Variants in EPB41L5 observed in about 807,000 individuals in gnomAD.
The protein encoded by EPB41L5 is band 4.1-like protein 5.
Under a neutral mutation model 106.6 loss-of-function variants are expected in EPB41L5, and 55 were observed. The ratio of observed to expected loss-of-function variants is 0.52; its 90% CI spans 0.42 to 0.65. The LOEUF (loss-of-function observed/expected upper bound fraction) is 0.65. Among genes scored for constraint, EPB41L5 ranks in the 30% least tolerant of loss-of-function variants. The pLI is 0.00. For missense variants in EPB41L5, 871 were observed against 882.1 expected (o/e 0.99, Z 0.16); for synonymous variants, 297 against 306.7 (o/e 0.97, Z 0.33).
rs1211916369 is a variant in EPB41L5 at position 120,087,170 on chromosome 2, G to A, written c.804-1G>A. ...GCTTTTATTCTCTTATTATATTATA[G>A]GCCGAAGATAACCAGATTGGATTTT... On this transcript the variant is annotated splice_acceptor_variant, in intron 10 of 24. Transcript: ENST00000263713. LOFTEE classifies it high-confidence loss of function. 1 of 1,563,902 alleles carries A rather than the reference G, an allele frequency of 6.4e-7. No individual in the cohort carries two copies. Among genetic ancestry groups the A allele is most frequent in the Non-Finnish European group, 8.8e-7 (1 of 1,138,608 alleles).
intron 24 of EPB41L5, among the ~76,000 whole-genome samples, chr2:120,172,376 G>GA (rs1687716775): frequency 3.9e-5 from 6 of 152,290 alleles, no homozygotes; most frequent in African/African-American, 1.2e-4. Flanking sequence ...GTTAAGAGAG[G>GA]ATGTAAGTCT....
At chr2:120,056,799 A>G (rs1680685825) in intron 3 of EPB41L5, among the ~76,000 whole-genome samples, 1 of 151,880 alleles carries the variant, frequency 6.6e-6, no homozygotes. Flanking sequence ...AACATTTGGT[A>G]GAATTTGTCA....
chr2:120,098,281 C>T (rs1332792139), intron 14 of EPB41L5, among the ~76,000 whole-genome samples: 3 of 151,826 alleles, frequency 2.0e-5, no homozygotes, highest in East Asian at 3.9e-4. Context: ...ATCATCATGG[C>T]TCACTGTAGC....
chr2:120,098,497 G>A (rs1325213715), intron 14 of EPB41L5, among the ~76,000 whole-genome samples: 1 of 152,194 alleles, frequency 6.6e-6, no homozygotes, highest in Non-Finnish European at 1.5e-5. Context: ...ACAGGCATGA[G>A]CCACCATGCC....
At chr2:120,153,828 T>C (rs977374675) in intron 20 of EPB41L5, among the ~76,000 whole-genome samples, 1 of 152,240 alleles carries the variant, frequency 6.6e-6, no homozygotes, top group African/African-American at 2.4e-5. Flanking sequence ...TGTCTTTTGG[T>C]TACTATTTGC....
chr2:120,078,032 A>C (rs988126994), intron 9 of EPB41L5, among the ~76,000 whole-genome samples: 1 of 152,146 alleles, frequency 6.6e-6, no homozygotes, highest in African/African-American at 2.4e-5. Context: ...CTCATTCACT[A>C]TCATGAGAAC....
intron 14 of EPB41L5, among the ~76,000 whole-genome samples, chr2:120,096,341 AAAAT>A (rs1392441020): frequency 6.6e-6 from 1 of 152,346 alleles, no homozygotes; most frequent in African/African-American, 2.4e-5. Flanking sequence ...TAGGCTGTTG[AAAAT>A]AAATAAATAA....
intron 14 of EPB41L5, among the ~76,000 whole-genome samples, chr2:120,098,515 T>G (rs1683922527): frequency 6.6e-6 from 1 of 152,060 alleles, no homozygotes; most frequent in African/African-American, 2.4e-5. Flanking sequence ...GCCTCACCAA[T>G]AGTATTTCTT....
chr2:120,110,216 A>G (rs1416425729), intron 16 of EPB41L5, among the ~76,000 whole-genome samples: 2 of 152,200 alleles, frequency 1.3e-5, no homozygotes, highest in Non-Finnish European at 2.9e-5. Context: ...CGAAATTGTC[A>G]TCACCTAGCT....
chr2:120,105,538 C>A, intron 16 of EPB41L5: 1 of 984,962 alleles, frequency 1.0e-6, no homozygotes. Flanking sequence ...CCATAGAAGA[C>A]CTAAATAAGC....
intron 18 of EPB41L5, 46 bp from the exon 19 acceptor site, chr2:120,142,957 C>T (rs1229861437): frequency 1.3e-6 from 2 of 1,538,678 alleles, no homozygotes; most frequent in Middle Eastern, 3.4e-4. Flanking sequence ...TTCCATATAA[C>T]TATAGTGCAT....
At chr2:120,103,960 G>T (rs984344489) in intron 16 of EPB41L5, 2 of 1,352,710 alleles carry the variant, frequency 1.5e-6, no homozygotes, top group Admixed American at 6.0e-5. Flanking sequence ...AGCAGTGCAT[G>T]CTAGTCACAT....
At chr2:120,058,362 T>A (rs1680801607) in intron 3 of EPB41L5, among the ~76,000 whole-genome samples, 1 of 151,976 alleles carries the variant, frequency 6.6e-6, no homozygotes, top group Non-Finnish European at 1.5e-5. Flanking sequence ...ATTTAAAAAA[T>A]AATAATTTTG....
chr2:120,161,837 C>T (rs1368600821), intron 21 of EPB41L5, among the ~76,000 whole-genome samples: 1 of 152,130 alleles, frequency 6.6e-6, no homozygotes, highest in Non-Finnish European at 1.5e-5. Context: ...ATCTAGGTTG[C>T]TCACTCCTTA....
At chr2:120,135,965 GT>G (rs1423566189) in intron 18 of EPB41L5, among the ~76,000 whole-genome samples, 2 of 151,782 alleles carry the variant, frequency 1.3e-5, no homozygotes, top group Non-Finnish European at 2.9e-5. Context: ...TGAAATTGTT[GT>G]GTATAAACTA....
intron 2 of EPB41L5, among the ~76,000 whole-genome samples, chr2:120,035,891 G>A (rs958527025): frequency 6.6e-6 from 1 of 152,126 alleles, no homozygotes; most frequent in African/African-American, 2.4e-5. Context: ...ACTTAAGACA[G>A]AAAAATTAGT....
intron 1 of EPB41L5, among the ~76,000 whole-genome samples, chr2:120,015,150 C>T (rs191007550): frequency 1.1e-3 from 172 of 151,462 alleles, no homozygotes; most frequent in Non-Finnish European, 1.8e-3. Context: ...GGTGAAACCC[C>T]GCCTCTACTA....
chr2:120,075,505 A>T lies in EPB41L5; in HGVS notation c.437A>T (p.Asp146Val). Reference sequence around the variant, plus strand: ...TTATTTGTTCTTCAGTTAAAACAAGATATTCTCAGTGGAAAGTGAGTATTA... The same window carrying T: ...TTATTTGTTCTTCAGTTAAAACAAGTTATTCTCAGTGGAAAGTGAGTATTA... Reference protein sequence around the residue: ...RYLFVLQLKQDILSGKLDCPF... With the variant: ...RYLFVLQLKQVILSGKLDCPF... The change falls in exon 6 of 25, where the codon GAT becomes GTT. Residue 146 changes from aspartate to valine, a missense_variant. Asp to Val is a radical substitution (Grantham distance 152). Coordinates refer to ENST00000263713, the MANE Select transcript of EPB41L5 (RefSeq NM_020909.4). 6.3e-7 allele frequency: 1 copy of T among 1,580,444 alleles called. No individual in the cohort carries two copies. Among genetic ancestry groups the T allele is most frequent in the Middle Eastern group, 1.7e-4 (1 of 6,004 alleles).
chr2:120,121,899 T>C (rs1228677935), intron 16 of EPB41L5, among the ~76,000 whole-genome samples: 1 of 152,226 alleles, frequency 6.6e-6, no homozygotes, highest in African/African-American at 2.4e-5. Context: ...GATCTCATTG[T>C]GGTTTTGATT....
Sources: gnomAD v4.1 joint callset for allele counts (sites outside exome capture counted in the v4.1 genomes callset) on GRCh38, gnomAD v4.1.1 for gene constraint, MANE v1.5 for transcripts, NCBI Gene and HGNC (gene_info 2026-07-23, HGNC 2026-07-21) for gene names.